The following DOCK8 variants were observed in gnomAD, a reference collection of about 807,000 sequenced individuals.
DOCK8 encodes dedicator of cytokinesis protein 8.
Under a neutral mutation model 245.6 loss-of-function variants are expected in DOCK8, and 141 were observed. The ratio of observed to expected loss-of-function variants is 0.57; its 90% CI spans 0.50 to 0.66. The LOEUF is 0.66. DOCK8 is among the 30% of genes least tolerant of loss of function. DOCK8 has a pLI of 0.00. For missense variants in DOCK8, 2,965 were observed against 2,603.4 expected, an observed-to-expected ratio of 1.14 and a Z score of -3.02; for synonymous variants, 1,168 against 970.2, an observed-to-expected ratio of 1.20 and a Z score of -3.79.
intron 24 of DOCK8, among the ~76,000 whole-genome samples, chr9:392,053 G>A (rs905899090): frequency 8.6e-5 from 13 of 151,282 alleles, no homozygotes; most frequent in African/African-American, 3.2e-4. Context: ...CAGGAGAATT[G>A]CTTGAACCTG....
At chr9:397,997 A>G (rs942210405) in intron 25 of DOCK8, among the ~76,000 whole-genome samples, 3 of 152,230 alleles carry the variant, frequency 2.0e-5, no homozygotes, top group African/African-American at 7.2e-5. Flanking sequence ...CAGCTACAAA[A>G]ATCTTAGGAA....
At position 446,565 on chromosome 9, in the gene DOCK8, C is replaced by T; in HGVS notation, c.5776C>T (p.Pro1926Ser). ...NTVLTTMHAF[P>S]YIKTRISVIQ... is the part of the protein sequence containing the mutation. ...AGTCCTGACCACTATGCACGCCTTC[C>T]CCTACATCAAGACCAGGATCAGCGT... Residue 1926 changes from proline to serine, a missense_variant, in exon 44 of 48, where the codon CCC becomes TCC. Transcript: ENST00000432829. 1 of 1,614,186 alleles carries T rather than the reference C, an allele frequency of 6.2e-7. No homozygotes were observed. The highest frequency in any genetic ancestry group is 8.5e-7 in the Non-Finnish European group (1 of 1,180,034).
chr9:364,658 AAG>A (rs1453143079), intron 14 of DOCK8, among the ~76,000 whole-genome samples: 1 of 151,844 alleles, frequency 6.6e-6, no homozygotes, highest in Non-Finnish European at 1.5e-5. Context: ...AAAAAAAAAA[AAG>A]GTTTAATGTG....
At chr9:418,486 T>G (rs1461633666) in intron 30 of DOCK8, among the ~76,000 whole-genome samples, 1 of 152,106 alleles carries the variant, frequency 6.6e-6, no homozygotes, top group Non-Finnish European at 1.5e-5. Context: ...CAGGCTGGTC[T>G]CAAACTCCCA....
intron 29 of DOCK8, 38 bp downstream of exon 29, chr9:414,989 G>T (rs763354085): frequency 1.2e-6 from 2 of 1,611,420 alleles, no homozygotes; most frequent in South Asian, 2.2e-5. Flanking sequence ...GATTGTTGGG[G>T]GCCCCTGCCA....
chr9:281,774 A>G (rs1260956909), intron 2 of DOCK8, among the ~76,000 whole-genome samples: 3 of 152,230 alleles, frequency 2.0e-5, no homozygotes, highest in Admixed American at 2.0e-4. Flanking sequence ...AAGAGGAACA[A>G]CTGCTAGGAG....
chr9:375,898 G>C lies in DOCK8; in HGVS notation c.2110-312G>C, dbSNP rs1478434357. ...TGTAGTCCCCGCTACTCCAGAGACT[G>C]AGACGGGAGGATCATTTGAGCCCAG... On this transcript the variant is annotated intron_variant, in intron 18 of 47. Transcript: ENST00000432829. Among the ~76,000 whole-genome samples, 3 of 152,170 alleles carry C rather than the reference G, an allele frequency of 2.0e-5. No individual in the cohort carries two copies. The East Asian group carries it at 5.8e-4, about 29-fold the overall frequency.
intron 1 of DOCK8, among the ~76,000 whole-genome samples, chr9:251,501 C>T (rs954280374): frequency 1.3e-5 from 2 of 152,138 alleles, no homozygotes; most frequent in African/African-American, 2.4e-5. Flanking sequence ...TGAAAGCTTT[C>T]GCATGCTAAG....
chr9:411,887 G>A (rs1005128384), intron 28 of DOCK8, among the ~76,000 whole-genome samples: 2 of 152,068 alleles, frequency 1.3e-5, no homozygotes, highest in Non-Finnish European at 2.9e-5. Context: ...ATCTAATAAC[G>A]CTTCCTGATA....
Position 386,406 on chromosome 9 carries a change from C to A in DOCK8, c.2854C>A (p.Pro952Thr), listed in dbSNP as rs753933778. 2.5e-6 allele frequency: 4 copies of A among 1,613,518 alleles called. No homozygotes were observed. The highest frequency in any genetic ancestry group is 3.4e-6 in the Non-Finnish European group (4 of 1,179,780). The change falls in exon 23 of 48, where the codon CCA becomes ACA. Residue 952 changes from proline to threonine, a missense_variant. Pro to Thr is a conservative substitution (Grantham distance 38, BLOSUM62 -1). Around this residue, in one of 3 missense-constraint regions of DOCK8, gnomAD observed 2,825 missense variants for 2,453.5 expected, o/e 1.15. Transcript: ENST00000432829. ...SSDAPSSPAA[P>T]RPASKKHFHE... ...TGATGCTCCAAGTTCACCTGCAGCC[C>A]CAAGGCCAGCCAGCAAAAAGGTACT...
At chr9:460,781 A>G (rs757856743) in intron 46 of DOCK8, among the ~76,000 whole-genome samples, 1 of 152,360 alleles carries the variant, frequency 6.6e-6, no homozygotes, top group South Asian at 2.1e-4. Context: ...GCCACATGCT[A>G]TCCTCTTCCT....
intron 1 of DOCK8, among the ~76,000 whole-genome samples, chr9:237,304 A>G (rs1471431342): frequency 1.2e-4 from 19 of 152,246 alleles, no homozygotes; most frequent in Admixed American, 1.2e-3. Context: ...ACAAGGTGCC[A>G]TTGTCCTATC....
At chr9:358,482 GAAAT>G (rs747800645) in intron 14 of DOCK8, among the ~76,000 whole-genome samples, 4 of 152,210 alleles carry the variant, frequency 2.6e-5, no homozygotes, top group Admixed American at 6.5e-5. Flanking sequence ...TAAGGAGAGA[GAAAT>G]AAATCTAAGT....
At chr9:400,626 TCAC>T (rs2054908688) in intron 26 of DOCK8, among the ~76,000 whole-genome samples, 8 of 4,622 alleles carry the variant, frequency 1.7e-3, no homozygotes, top group African/African-American at 4.1e-3. Context: ...TCCACCACCA[TCAC>T]CACCACCTCC....
At chr9:400,968 C>T (rs1327431377) in intron 26 of DOCK8, among the ~76,000 whole-genome samples, 5 of 118,754 alleles carry the variant, frequency 4.2e-5, no homozygotes, top group Admixed American at 1.8e-4. Context: ...ACCACCACCT[C>T]CTCCACCATC....
chr9:241,904 G>T (rs2047382150), intron 1 of DOCK8, among the ~76,000 whole-genome samples: 1 of 152,182 alleles, frequency 6.6e-6, no homozygotes, highest in South Asian at 2.1e-4. Context: ...GTGAGCCACA[G>T]CACCTGGCAT....
intron 1 of DOCK8, among the ~76,000 whole-genome samples, chr9:227,147 T>C (rs1264603995): frequency 1.3e-5 from 2 of 152,178 alleles, no homozygotes; most frequent in African/African-American, 4.8e-5. Context: ...TTTGCAAGTT[T>C]TCCTCAAAGG....
intron 1 of DOCK8, among the ~76,000 whole-genome samples, chr9:238,199 C>A (rs1361242198): frequency 6.6e-6 from 1 of 152,154 alleles, no homozygotes; most frequent in Non-Finnish European, 1.5e-5. Flanking sequence ...GCAGGGCAGA[C>A]CTTTGAGTCT....
intron 29 of DOCK8, 88 bp from the exon 30 acceptor site, chr9:417,980 G>A: frequency 6.4e-7 from 1 of 1,562,196 alleles, no homozygotes. Context: ...TGACTTTAGT[G>A]ACTGAGAAGT....
Sources: gnomAD v4.1 joint callset for allele counts (sites outside exome capture counted in the v4.1 genomes callset) on GRCh38, gnomAD v4.1.1 for gene constraint, gnomAD v4.1.1 regional missense constraint, MANE v1.5 for transcripts, NCBI Gene and HGNC (gene_info 2026-07-23, HGNC 2026-07-21) for gene names.